IQCJ: variants seen among roughly 807,000 people sequenced by gnomAD.
IQCJ encodes IQ domain-containing protein J.
Under a neutral mutation model 11.0 loss-of-function variants are expected in IQCJ, and 9 were observed. That is an observed-to-expected ratio of 0.82 (90% CI 0.49 to 1.43). The LOEUF (loss-of-function observed/expected upper bound fraction) is 1.43. Ranked by LOEUF, IQCJ falls within the 40% of genes most tolerant of loss-of-function variation. IQCJ has a pLI of 0.00. For missense variants in IQCJ, 146 were observed against 133.2 expected, an observed-to-expected ratio of 1.10 and a Z score of -0.47; for synonymous variants, 55 against 51.3, an observed-to-expected ratio of 1.07 and a Z score of -0.31.
In IQCJ at chr3:159,259,639, T is replaced by C. The variant is rs73166223; in HGVS notation, c.156-2909T>C. Among the ~76,000 whole-genome samples the C allele has an allele frequency of 2.7e-4, 41 of 152,328 alleles. 1 individual carries two copies. Among genetic ancestry groups the C allele is most frequent in the Admixed American group, 1.6e-3 (24 of 15,294 alleles). The stretch of plus-strand genomic sequence containing the variant: ...ACTGGAACAATTTAATCTTTGAAGG[T>C]CATGTTGTAGGAATCGCCAAGGGGA... On this transcript the variant is annotated intron_variant, in intron 3 of 3. Transcript: ENST00000397832.
intron 1 of IQCJ, among the ~76,000 whole-genome samples, chr3:159,092,759 A>T (rs1329147425): frequency 6.7e-6 from 1 of 150,352 alleles, no homozygotes; most frequent in East Asian, 2.0e-4. Flanking sequence ...GGGAATGTCA[A>T]TGTAAACTGT....
At chr3:159,237,975 A>C (rs1320511174) in intron 1 of IQCJ, among the ~76,000 whole-genome samples, 2 of 152,180 alleles carry the variant, frequency 1.3e-5, no homozygotes, top group East Asian at 3.9e-4. Flanking sequence ...GACGACTGAG[A>C]GTTTAATGAA....
intron 1 of IQCJ, among the ~76,000 whole-genome samples, chr3:159,190,369 T>A (rs1723610488): frequency 6.6e-6 from 1 of 152,214 alleles, no homozygotes; most frequent in Non-Finnish European, 1.5e-5. Flanking sequence ...CCAGGGCATG[T>A]TTAAAGCTCT....
At chr3:159,101,015 A>C (rs1717859148) in intron 1 of IQCJ, among the ~76,000 whole-genome samples, 3 of 19,456 alleles carry the variant, frequency 1.5e-4, no homozygotes, top group Admixed American at 1.0e-3. Context: ...GCTAGCAATC[A>C]GCGAGATTCC....
intron 1 of IQCJ, among the ~76,000 whole-genome samples, chr3:159,185,634 C>T (rs1394764466): frequency 2.0e-5 from 3 of 152,200 alleles, no homozygotes; most frequent in Non-Finnish European, 4.4e-5. Flanking sequence ...AATTGCTTGA[C>T]TGAGGCTTGA....
intron 1 of IQCJ, among the ~76,000 whole-genome samples, chr3:159,201,517 G>C (rs932674072): frequency 1.3e-5 from 2 of 151,128 alleles, no homozygotes; most frequent in South Asian, 2.1e-4. Context: ...ATCTCTGTGT[G>C]TGTGTGTGTG....
intron 1 of IQCJ, among the ~76,000 whole-genome samples, chr3:159,177,179 A>C (rs1454251250): frequency 3.3e-5 from 5 of 152,212 alleles, no homozygotes; most frequent in Non-Finnish European, 5.9e-5. Context: ...ATTATTGTTT[A>C]ATAATCCATA....
At chr3:159,119,195 C>G (rs1414171797) in intron 1 of IQCJ, among the ~76,000 whole-genome samples, 1 of 152,150 alleles carries the variant, frequency 6.6e-6, no homozygotes, top group East Asian at 1.9e-4. Flanking sequence ...TCCCCTGGTT[C>G]CAGAAGCTCA....
At chr3:159,143,904 G>A (rs1279962140) in intron 1 of IQCJ, among the ~76,000 whole-genome samples, 1 of 152,152 alleles carries the variant, frequency 6.6e-6, no homozygotes, top group Admixed American at 6.6e-5. Context: ...TCCCTTGAGG[G>A]CCTGGTCTCA....
chr3:159,172,322 G>A (rs375292701), intron 1 of IQCJ, among the ~76,000 whole-genome samples: 9 of 152,060 alleles, frequency 5.9e-5, no homozygotes, highest in Non-Finnish European at 1.0e-4. Context: ...AATAAAAAAT[G>A]TATAAATGTT....
At chr3:159,112,370 T>C (rs1718683722) in intron 1 of IQCJ, among the ~76,000 whole-genome samples, 2 of 152,190 alleles carry the variant, frequency 1.3e-5, no homozygotes, top group African/African-American at 4.8e-5. Flanking sequence ...CAATGCCATA[T>C]TTGAGTACAT....
intron 1 of IQCJ, among the ~76,000 whole-genome samples, chr3:159,238,813 A>T (rs1726742819): frequency 1.3e-5 from 2 of 152,104 alleles, no homozygotes; most frequent in African/African-American, 4.8e-5. Flanking sequence ...TTTTGTTATG[A>T]ATCATTTGAC....
intron 1 of IQCJ, among the ~76,000 whole-genome samples, chr3:159,123,375 A>G (rs1022216591): frequency 1.3e-5 from 2 of 152,160 alleles, no homozygotes; most frequent in Non-Finnish European, 2.9e-5. Flanking sequence ...CACTGCCCAC[A>G]TGACATACAT....
chr3:159,072,510 A>T (rs1433557196), intron 1 of IQCJ, among the ~76,000 whole-genome samples: 1 of 152,070 alleles, frequency 6.6e-6, no homozygotes, highest in East Asian at 1.9e-4. Context: ...TGGGCTTTAA[A>T]TTTTTCAAAA....
At chr3:159,121,668 T>G (rs541973107) in intron 1 of IQCJ, among the ~76,000 whole-genome samples, 1 of 152,356 alleles carries the variant, frequency 6.6e-6, no homozygotes, top group Admixed American at 6.5e-5. Context: ...ATTGTTTACA[T>G]GTTATTTCCT....
At chr3:159,078,123 A>ACTGACTCAATGCTCCTTGCC (rs1273092656) in intron 1 of IQCJ, among the ~76,000 whole-genome samples, 1 of 152,166 alleles carries the variant, frequency 6.6e-6, no homozygotes, top group Non-Finnish European at 1.5e-5. Flanking sequence ...TAGAGAGGAA[A>ACTGACTCAATGCTCCTTGCC]CATTAAATCA....
chr3:159,160,238 G>C (rs759789338), intron 1 of IQCJ, among the ~76,000 whole-genome samples: 1 of 152,106 alleles, frequency 6.6e-6, no homozygotes, highest in Non-Finnish European at 1.5e-5. Flanking sequence ...TTCATCCGGG[G>C]GAGGAGGTAC....
chr3:159,253,516 G>A (rs1175123225), intron 3 of IQCJ, among the ~76,000 whole-genome samples: 2 of 151,886 alleles, frequency 1.3e-5, no homozygotes. Context: ...ACCGTTTTCC[G>A]AGATCTTTTC....
At position 159,260,144 on chromosome 3, in the gene IQCJ, A is replaced by T. The variant is rs188672259; in HGVS notation, c.156-2404A>T. ...GGAGAACTGGTATGCCAATTTCCAA[A>T]TTCCATAAAACCAGGAGGGAGAAGA... is the stretch of plus-strand genomic sequence containing the variant. On this transcript the variant is annotated intron_variant, in intron 3 of 3. Transcript: ENST00000397832. 1.3e-4 allele frequency among the ~76,000 whole-genome samples: 20 copies of T among 152,314 alleles called. 1 individual carries two copies. The highest frequency in any genetic ancestry group is 6.8e-3 in the Middle Eastern group (2 of 294).
Sources: gnomAD v4.1 joint callset for allele counts (sites outside exome capture counted in the v4.1 genomes callset) on GRCh38, gnomAD v4.1.1 for gene constraint, MANE v1.5 for transcripts, NCBI Gene and HGNC (gene_info 2026-07-23, HGNC 2026-07-21) for gene names.